NCKIPSD: variants seen among roughly 807,000 people sequenced by gnomAD.
NCKIPSD encodes NCK interacting protein with SH3 domain, also known as NCK-interacting protein with SH3 domain.
A neutral mutation model predicts 73.4 loss-of-function variants in NCKIPSD; 48 were observed. That is an observed-to-expected ratio of 0.65 (90% confidence interval 0.52 to 0.83). The LOEUF (loss-of-function observed/expected upper bound fraction) is 0.83, where lower values mean the gene tolerates loss of function less well. Among genes scored for constraint, NCKIPSD ranks in the 40% least tolerant of loss-of-function variants. The pLI is 0.00. For synonymous variants in NCKIPSD, 422 were observed against 403.6 expected, an observed-to-expected ratio of 1.05 and a Z score of -0.54; for missense variants, 884 against 970.2, an observed-to-expected ratio of 0.91 and a Z score of 1.18.
In NCKIPSD at chr3:48,679,190, G is replaced by A. The variant is rs376730127; in HGVS notation, c.1571-7C>T. ...AAAGGCGTGCCCAGGTGCTCTGGGA[G>A]AGGGGCGCACAGAAGTCTGCAGCCC... On this transcript the variant is annotated splice_region_variant and splice_polypyrimidine_tract_variant and intron_variant, in intron 9 of 12. Coordinates refer to ENST00000294129, the MANE Select transcript of NCKIPSD (RefSeq NM_016453.4). The A allele has an allele frequency of 1.2e-5, 20 of 1,613,710 alleles. No homozygotes were observed. The highest frequency in any genetic ancestry group is 1.7e-5 in the Non-Finnish European group (20 of 1,179,910).
At position 48,679,776 on chromosome 3, in the gene NCKIPSD, C is replaced by T. The variant is rs772443749; in HGVS notation, c.1350+25G>A. 27 of 1,614,090 alleles carry T rather than the reference C, an allele frequency of 1.7e-5. 1 individual carries two copies. In the East Asian group the frequency reaches 6.0e-4, roughly 36 times the overall value. Reference sequence around the variant, plus strand: ...CCCCACTATCTAGGTCTCTCCATTACCCCTCCCCTCCATCCTGCACATACC... The same window carrying T: ...CCCCACTATCTAGGTCTCTCCATTATCCCTCCCCTCCATCCTGCACATACC... On this transcript the variant is annotated intron_variant, in intron 7 of 12. Transcript: ENST00000294129.
intron 2 of NCKIPSD, 79 bp from the exon 3 acceptor site, chr3:48,682,631 G>T (rs2077374109): frequency 1.3e-6 from 2 of 1,508,552 alleles, no homozygotes; most frequent in Non-Finnish European, 9.1e-7. Flanking sequence ...GGGATGCTGG[G>T]ACCCCATAGC....
chr3:48,679,586 G>A lies in NCKIPSD; in HGVS notation c.1478C>T (p.Thr493Ile), dbSNP rs761461525. 1.9e-6 allele frequency: 3 copies of A among 1,614,160 alleles called. No homozygotes were observed. Among genetic ancestry groups the A allele is most frequent in the Non-Finnish European group, 2.5e-6 (3 of 1,179,998 alleles). Residue 493 changes from threonine to isoleucine, a missense_variant, in exon 8 of 13, where the codon ACA (threonine) becomes ATA (isoleucine). Physicochemically the swap from Thr to Ile is moderately conservative, Grantham distance 89. Coordinates refer to ENST00000294129, the MANE Select transcript of NCKIPSD (RefSeq NM_016453.4). ...CCCTCCAGCCTCACCCTGCGTGTCT[G>A]TCTGCATGTCCCTCGCCAGCTCTAC... The part of the protein sequence containing the change: ...LPVELARDMQ[T>I]DTQDHQKLCY...
At position 48,685,200 on chromosome 3, in the gene NCKIPSD, AGGG is replaced by A. The variant is rs1281090931; in HGVS notation, c.171+434_171+436del. 4.0e-3 allele frequency among the ~76,000 whole-genome samples: 23 copies of A among 5,798 alleles called. 1 individual carries two copies. The highest frequency in any genetic ancestry group is 0.031 in the Admixed American group (15 of 490). The allele number at this position is 5,798 out of a possible 152,430, so 3.8% of individuals were successfully genotyped here. A position where few individuals can be genotyped will look rare whatever the true frequency, so the allele number is the denominator to read the frequency against. ...GGTTGGGGGAAGAAGGAAGGGAGGG[AGGG>A]AGGGAGGGAGGGAGGGAGGGAGGGA... On this transcript the variant is annotated intron_variant, in intron 1 of 12. Coordinates refer to ENST00000294129, the MANE Select transcript of NCKIPSD (RefSeq NM_016453.4).
chr3:48,682,821 C>T (rs1214124641), intron 2 of NCKIPSD, 82 bp downstream of exon 2: 3 of 1,500,068 alleles, frequency 2.0e-6, no homozygotes, highest in Non-Finnish European at 2.7e-6. Flanking sequence ...TTCCCAGGCC[C>T]ACCTGCCCCA....
In NCKIPSD at chr3:48,679,580, GTGTC is replaced by G; in HGVS notation, c.1480_1483del (p.Asp494ArgfsTer41). The G allele has an allele frequency of 6.2e-7, 1 of 1,614,092 alleles. No homozygotes were observed. Among genetic ancestry groups the G allele is most frequent in the East Asian group, 2.2e-5 (1 of 44,886 alleles). ...ACCCCGCCCTCCAGCCTCACCCTGC[GTGTC>G]TGTCTGCATGTCCCTCGCCAGCTCT... On this transcript the variant is annotated frameshift_variant, in exon 8 of 13. Transcript: ENST00000294129. LOFTEE classifies it high-confidence loss of function.
intron 1 of NCKIPSD, 92 bp from the exon 2 acceptor site, chr3:48,683,104 C>T: frequency 6.5e-7 from 1 of 1,535,040 alleles, no homozygotes; most frequent in Admixed American, 2.0e-5. Flanking sequence ...GGGCAGAGAA[C>T]CAATATAGCG....
intron 12 of NCKIPSD, among the ~76,000 whole-genome samples, chr3:48,676,943 G>C (rs1189750037): frequency 6.6e-6 from 1 of 151,308 alleles, no homozygotes; most frequent in Non-Finnish European, 1.5e-5. Context: ...GCTAATTTTT[G>C]TATTTTTCGT....
intron 1 of NCKIPSD, 128 bp downstream of exon 1, chr3:48,685,503 TCTCAAA>T (rs999177665): frequency 1.2e-5 from 14 of 1,186,708 alleles, no homozygotes; most frequent in South Asian, 1.7e-5. Context: ...AGGGTCAGGT[TCTCAAA>T]CTCCCTGTCT....
chr3:48,678,189 ACT>A (rs955434780), intron 12 of NCKIPSD, among the ~76,000 whole-genome samples: 2 of 152,118 alleles, frequency 1.3e-5, no homozygotes, highest in African/African-American at 4.8e-5. Flanking sequence ...CACCTGGACC[ACT>A]GAGGCTGCTT....
chr3:48,679,906 G>A lies in NCKIPSD; in HGVS notation c.1264-19C>T. 1 of 1,614,088 alleles carries A rather than the reference G, an allele frequency of 6.2e-7. No individual in the cohort carries two copies. The highest frequency in any genetic ancestry group is 1.3e-5 in the African/African-American group (1 of 75,074). On this transcript the variant is annotated intron_variant, in intron 6 of 12. Coordinates refer to ENST00000294129, the MANE Select transcript of NCKIPSD (RefSeq NM_016453.4). ...CATCAGTCTACAGAAATGAGGAAGT[G>A]AGAGCATCAGCCACCATGAGCGGAG...
intron 1 of NCKIPSD, among the ~76,000 whole-genome samples, chr3:48,684,783 A>G (rs2077409655): frequency 6.6e-6 from 1 of 152,180 alleles, no homozygotes; most frequent in Non-Finnish European, 1.5e-5. Context: ...TGGGGCCACG[A>G]TCAGACCAGG....
intron 3 of NCKIPSD, 66 bp downstream of exon 3, chr3:48,682,282 T>G: frequency 6.3e-7 from 1 of 1,599,486 alleles, no homozygotes; most frequent in Non-Finnish European, 8.5e-7. Context: ...AGTGGACCCC[T>G]TGAGCCTCTG....
At chr3:48,683,243 G>A (rs1428057047) in intron 1 of NCKIPSD, among the ~76,000 whole-genome samples, 1 of 152,234 alleles carries the variant, frequency 6.6e-6, no homozygotes, top group Admixed American at 6.5e-5. Context: ...ATTAGGTCCT[G>A]ATCAGGATTT....
At chr3:48,681,121 T>A in intron 5 of NCKIPSD, 166 bp downstream of exon 5, 1 of 1,098,008 alleles carries the variant, frequency 9.1e-7, no homozygotes, top group Non-Finnish European at 1.3e-6. Flanking sequence ...GGAATGCTTG[T>A]CCTTCCTTTC....
intron 1 of NCKIPSD, among the ~76,000 whole-genome samples, chr3:48,684,505 GC>G (rs2077405340): frequency 6.6e-6 from 1 of 152,218 alleles, no homozygotes; most frequent in South Asian, 2.1e-4. Context: ...AAGCCCCTAG[GC>G]CCCCAGGGCC....
At chr3:48,681,087 C>T in intron 5 of NCKIPSD, 200 bp downstream of exon 5, 1 of 785,534 alleles carries the variant, frequency 1.3e-6, no homozygotes, top group African/African-American at 1.7e-5. Context: ...CCTTGTGGCC[C>T]TTGTCCAGGC....
rs200642145 is a variant in NCKIPSD, at chr3:48,682,888, C to T, written c.281+15G>A. 3.2e-6 allele frequency: 5 copies of T among 1,541,004 alleles called. No homozygotes were observed. In the East Asian group the frequency reaches 1.2e-4, roughly 38 times the overall value. ...GCTCACCGGGAGGTCCCACTTCACT[C>T]CCCTCAACACTCACTGGAGGACTCC... On this transcript the variant is annotated intron_variant, in intron 2 of 12. Coordinates refer to ENST00000294129, the MANE Select transcript of NCKIPSD (RefSeq NM_016453.4).
At position 48,682,116 on chromosome 3, in the gene NCKIPSD, C is replaced by T. The variant is rs145562243; in HGVS notation, c.527G>A (p.Arg176Gln). Residue 176 changes from arginine (R) to glutamine (Q), a missense_variant, in exon 4 of 13, where the codon CGA becomes CAA. Coordinates refer to ENST00000294129, the MANE Select transcript of NCKIPSD (RefSeq NM_016453.4). ...PSSQIPPQPRRAAPTTPPPPV... is the reference protein window; with the variant it reads ...PSSQIPPQPRQAAPTTPPPPV... ...TGGGGGCGGTGTGGTGGGTGCTGCT[C>T]GGCGAGGCTGTGGTGGGATCTGGGA... 47 of 1,600,704 alleles carry T rather than the reference C, an allele frequency of 2.9e-5. No homozygotes were observed. The Middle Eastern group carries it at 4.9e-4, about 17-fold the overall frequency.
Sources: gnomAD v4.1 joint callset for allele counts (sites outside exome capture counted in the v4.1 genomes callset) on GRCh38, gnomAD v4.1.1 for gene constraint, MANE v1.5 for transcripts, NCBI Gene and HGNC (gene_info 2026-07-23, HGNC 2026-07-21) for gene names.